The following DCLK3 variants were observed in gnomAD, a reference collection of about 807,000 sequenced individuals.
DCLK3 encodes serine/threonine-protein kinase DCLK3.
Under a neutral mutation model 46.4 loss-of-function variants are expected in DCLK3, and 30 were observed. That is an observed-to-expected ratio of 0.65 (90% CI 0.48 to 0.88). The LOEUF is 0.88. DCLK3 is among the 40% of genes least tolerant of loss of function. The pLI is 0.00. For missense variants in DCLK3, 846 were observed against 907.1 expected (o/e 0.93, Z 0.87); for synonymous variants, 401 against 339.2 (o/e 1.18, Z -2.00).
At chr3:36,718,293 G>A in intron 3 of DCLK3, 116 bp from the exon 4 acceptor site, 1 of 1,443,154 alleles carries the variant, frequency 6.9e-7, no homozygotes, top group East Asian at 2.3e-5. Flanking sequence ...GAGGATCCCA[G>A]CTCTCAGCAA....
At chr3:36,719,108 G>A (rs1017319840) in intron 3 of DCLK3, among the ~76,000 whole-genome samples, 2 of 152,158 alleles carry the variant, frequency 1.3e-5, no homozygotes, top group Middle Eastern at 3.4e-3. Context: ...CAGCTGTAAG[G>A]AATTTTCTGA....
intron 3 of DCLK3, among the ~76,000 whole-genome samples, 190 bp from the exon 4 acceptor site, chr3:36,718,367 T>C (rs1211776530): frequency 3.3e-5 from 5 of 152,232 alleles, no homozygotes; most frequent in Non-Finnish European, 5.9e-5. Flanking sequence ...TACACCATCA[T>C]TACTCAAAGT....
In DCLK3 at chr3:36,715,428, G is replaced by A. The variant is rs1182217693; in HGVS notation, c.2354C>T (p.Ala785Val). The A allele has an allele frequency of 1.9e-6, 3 of 1,613,714 alleles. No individual in the cohort carries two copies. The highest frequency in any genetic ancestry group is 3.3e-5 in the Admixed American group (2 of 59,948). Residue 785 changes from alanine to valine, a missense_variant, in exon 5 of 5, where the codon GCT becomes GTT. Ala to Val is a moderately conservative substitution (Grantham distance 64). Around this residue, in one of 3 missense-constraint regions of DCLK3, gnomAD observed 46 missense variants for 41.3 expected, o/e 1.11. Transcript: ENST00000636136. ...TCGTTTCACTGTATTGGTCTTGCCAGCTGTTTCGATCCAGGGGTGCTGAAG... is the reference window on the plus strand; with the variant it reads ...TCGTTTCACTGTATTGGTCTTGCCAACTGTTTCGATCCAGGGGTGCTGAAG... ...QVLQHPWIETAGKTNTVKRQK... is the reference protein window; with the variant it reads ...QVLQHPWIETVGKTNTVKRQK...
chr3:36,740,925 T>C (rs530839405), intron 1 of DCLK3, among the ~76,000 whole-genome samples: 3 of 152,232 alleles, frequency 2.0e-5, no homozygotes, highest in African/African-American at 4.8e-5. Context: ...AGAATGTTTT[T>C]TGTTTTTTAA....
chr3:36,738,742 C>T lies in DCLK3; in HGVS notation c.425G>A (p.Arg142His), dbSNP rs531482696. The T allele has an allele frequency of 3.1e-5, 40 of 1,303,962 alleles. No homozygotes were observed. Among genetic ancestry groups the T allele is most frequent in the Admixed American group, 9.1e-5 (3 of 32,858 alleles). The allele number at this position is 1,303,962 out of a possible 1,614,324, so 80.8% of individuals were successfully genotyped here. ...ALGSPRWKND[R>H]VRKLFNLKGR... is the part of the protein sequence containing the mutation. ...CTTGAGGTTAAACAGTTTCCTCACACGGTCATTCTTCCATCTGGGAGAGCC... is the reference window on the plus strand; with the variant it reads ...CTTGAGGTTAAACAGTTTCCTCACATGGTCATTCTTCCATCTGGGAGAGCC... Residue 142 changes from arginine to histidine, a missense_variant, in exon 2 of 5, where the codon CGT becomes CAT. By Grantham distance (29) the Arg-to-His change is conservative (BLOSUM62 0). Coordinates refer to ENST00000636136, the MANE Select transcript of DCLK3 (RefSeq NM_001394672.2).
intron 2 of DCLK3, among the ~76,000 whole-genome samples, chr3:36,734,106 T>C (rs1701230760): frequency 6.6e-6 from 1 of 152,246 alleles, no homozygotes; most frequent in Non-Finnish European, 1.5e-5. Flanking sequence ...CACCAACTTA[T>C]GGACAGCAGT....
chr3:36,742,587 A>G (rs570047745), intron 1 of DCLK3, among the ~76,000 whole-genome samples: 2 of 152,332 alleles, frequency 1.3e-5, no homozygotes, highest in East Asian at 1.9e-4. Context: ...CCACCTCCTC[A>G]GCATAACTGG....
chr3:36,760,444 G>A (rs934481767), intron 1 of DCLK3, among the ~76,000 whole-genome samples: 4 of 151,288 alleles, frequency 2.6e-5, no homozygotes, highest in African/African-American at 9.7e-5. Flanking sequence ...CATGGACACA[G>A]GAAGGGGAAC....
intron 2 of DCLK3, among the ~76,000 whole-genome samples, chr3:36,734,253 A>G (rs1292563132): frequency 6.6e-6 from 1 of 152,226 alleles, no homozygotes; most frequent in East Asian, 1.9e-4. Context: ...CATTATCTCT[A>G]CCTCTGTCTG....
At chr3:36,746,503 C>T (rs186239084) in intron 1 of DCLK3, among the ~76,000 whole-genome samples, 69 of 152,318 alleles carry the variant, frequency 4.5e-4, no homozygotes, top group African/African-American at 1.7e-3. Flanking sequence ...TTCCTACTTA[C>T]CCTTGTCTAG....
intron 1 of DCLK3, among the ~76,000 whole-genome samples, chr3:36,760,391 C>T (rs1417352453): frequency 6.6e-6 from 1 of 151,730 alleles, no homozygotes; most frequent in Non-Finnish European, 1.5e-5. Context: ...AAACCAAACA[C>T]CGCATTTTCT....
At chr3:36,760,189 C>T (rs1006069830) in intron 1 of DCLK3, among the ~76,000 whole-genome samples, 1 of 152,156 alleles carries the variant, frequency 6.6e-6, no homozygotes, top group Non-Finnish European at 1.5e-5. Flanking sequence ...GCCTAGGAGG[C>T]CTGAACCCTC....
chr3:36,747,543 C>T (rs552715773), intron 1 of DCLK3, among the ~76,000 whole-genome samples: 204 of 151,986 alleles, frequency 1.3e-3, no homozygotes, highest in Non-Finnish European at 2.5e-3. Context: ...ATGCATATTC[C>T]TCTCAGAGCC....
chr3:36,748,627 T>C (rs774613116), intron 1 of DCLK3, among the ~76,000 whole-genome samples: 2 of 151,964 alleles, frequency 1.3e-5, no homozygotes, highest in African/African-American at 4.8e-5. Context: ...CTGAGGACAC[T>C]GGCGGAGGGC....
At chr3:36,756,106 C>T (rs988470191) in intron 1 of DCLK3, among the ~76,000 whole-genome samples, 2 of 152,180 alleles carry the variant, frequency 1.3e-5, no homozygotes, top group Non-Finnish European at 2.9e-5. Context: ...GGGAGGTGAT[C>T]TCAGACAGCA....
chr3:36,762,325 T>A (rs1701547065), intron 1 of DCLK3, among the ~76,000 whole-genome samples: 1 of 152,224 alleles, frequency 6.6e-6, no homozygotes, highest in African/African-American at 2.4e-5. Context: ...TCCATGTTTT[T>A]ATCTGGATTC....
At chr3:36,725,925 T>C (rs1338434203) in intron 2 of DCLK3, among the ~76,000 whole-genome samples, 1 of 152,194 alleles carries the variant, frequency 6.6e-6, no homozygotes, top group Non-Finnish European at 1.5e-5. Flanking sequence ...GGCTTTCTCA[T>C]CTCTGGTAAG....
Position 36,755,356 on chromosome 3 carries a change from G to T in DCLK3, c.82+8826C>A, listed in dbSNP as rs145988307. ...TTACAATGTCTTGGTACTTGCACAA[G>T]AATTTAAGAAAAAAAACTATAGTTC... On this transcript the variant is annotated intron_variant, in intron 1 of 4. Coordinates refer to ENST00000636136, the MANE Select transcript of DCLK3 (RefSeq NM_001394672.2). 3.3e-5 allele frequency among the ~76,000 whole-genome samples: 5 copies of T among 151,976 alleles called. No individual in the cohort carries two copies. The East Asian group carries it at 5.8e-4, about 18-fold the overall frequency.
chr3:36,751,059 G>GGTAAAAAAAAAA (rs1701435896), intron 1 of DCLK3, among the ~76,000 whole-genome samples: 1 of 33,332 alleles, frequency 3.0e-5, no homozygotes, highest in Admixed American at 5.1e-4. Flanking sequence ...TAGACGGGAT[G>GGTAAAAAAAAAA]ATCTAAAAAA....
Sources: gnomAD v4.1 joint callset for allele counts (sites outside exome capture counted in the v4.1 genomes callset) on GRCh38, gnomAD v4.1.1 for gene constraint, gnomAD v4.1.1 regional missense constraint, MANE v1.5 for transcripts, NCBI Gene and HGNC (gene_info 2026-07-23, HGNC 2026-07-21) for gene names.